The following BNC2 variants were observed in gnomAD, a reference collection of about 807,000 sequenced individuals.
BNC2 encodes zinc finger protein basonuclin-2.
In BNC2, 20 loss-of-function variants were observed where a neutral mutation model predicts 76.3. The ratio of observed to expected loss-of-function variants is 0.26; its 90% CI spans 0.18 to 0.38. The LOEUF is 0.38. BNC2 is among the 10% of genes least tolerant of loss of function. The pLI, the probability that BNC2 is intolerant of heterozygous loss-of-function variation, is 1.00. For missense variants in BNC2, 1,382 were observed against 1,399.8 expected (o/e 0.99, Z 0.20); for synonymous variants, 582 against 514.8 (o/e 1.13, Z -1.77).
intron 1 of BNC2, among the ~76,000 whole-genome samples, chr9:16,825,008 T>A (rs1184791524): frequency 6.6e-6 from 1 of 151,314 alleles, no homozygotes; most frequent in African/African-American, 2.4e-5. Context: ...CCCAGATGTG[T>A]TCCTTCAAAC....
chr9:16,695,752 T>C (rs946693278), intron 3 of BNC2, among the ~76,000 whole-genome samples: 1 of 152,096 alleles, frequency 6.6e-6, no homozygotes, highest in Non-Finnish European at 1.5e-5. Context: ...TACCTCTGTG[T>C]GAACAGGGCT....
At chr9:16,849,352 A>ATTTTTTTTTTTTTTTTTTTTTTTTTT (rs35561834) in intron 1 of BNC2, among the ~76,000 whole-genome samples, 2 of 90,084 alleles carry the variant, frequency 2.2e-5, no homozygotes, top group Non-Finnish European at 4.0e-5. Flanking sequence ...CATGCAAAAG[A>ATTTTTTTTTTTTTTTTTTTTTTTTTT]TTTTTTTTTT....
intron 3 of BNC2, among the ~76,000 whole-genome samples, chr9:16,659,649 G>A (rs1356543915): frequency 6.6e-6 from 1 of 151,140 alleles, no homozygotes; most frequent in Admixed American, 6.6e-5. Flanking sequence ...TTCTGCATCA[G>A]GGTCTTTGTC....
At chr9:16,621,170 G>A (rs1820856951) in intron 3 of BNC2, among the ~76,000 whole-genome samples, 1 of 152,128 alleles carries the variant, frequency 6.6e-6, no homozygotes. Context: ...GTGTTTTATG[G>A]CTATCTTGAG....
chr9:16,740,863 C>CT (rs1396466420), intron 1 of BNC2, among the ~76,000 whole-genome samples: 2 of 150,250 alleles, frequency 1.3e-5, no homozygotes, highest in Non-Finnish European at 2.9e-5. Flanking sequence ...AAAAGAAACC[C>CT]TTTTTTTCCC....
intron 1 of BNC2, among the ~76,000 whole-genome samples, chr9:16,847,401 C>CA (rs1819013132): frequency 9.7e-5 from 1 of 10,358 alleles, no homozygotes; most frequent in South Asian, 3.3e-3. Context: ...TTTCTCGGGG[C>CA]GGGGGGGGGG....
At chr9:16,744,972 T>C (rs914623053) in intron 1 of BNC2, among the ~76,000 whole-genome samples, 1 of 152,176 alleles carries the variant, frequency 6.6e-6, no homozygotes, top group African/African-American at 2.4e-5. Flanking sequence ...AAGAAACATA[T>C]CCAGGAAATC....
intron 3 of BNC2, among the ~76,000 whole-genome samples, chr9:16,677,455 CCCAGCTACTCGG>C (rs1822679304): frequency 6.6e-6 from 1 of 152,032 alleles, no homozygotes; most frequent in South Asian, 2.1e-4. Context: ...TGCCCGTAGT[CCCAGCTACTCGG>C]GAGGCTGAGG....
chr9:16,808,696 C>A, intron 1 of BNC2, among the ~76,000 whole-genome samples: 2 of 144,666 alleles, frequency 1.4e-5, no homozygotes, highest in South Asian at 2.2e-4. Context: ...GTTGCCCAAG[C>A]TTTTTTTTTT....
intron 3 of BNC2, among the ~76,000 whole-genome samples, chr9:16,590,828 G>A (rs1258216130): frequency 8.6e-5 from 13 of 151,980 alleles, no homozygotes; most frequent in African/African-American, 2.2e-4. Context: ...CACAAAAGAC[G>A]TCTATCCTAG....
chr9:16,495,638 G>A (rs1822372623), intron 5 of BNC2, among the ~76,000 whole-genome samples: 1 of 152,206 alleles, frequency 6.6e-6, no homozygotes, highest in South Asian at 2.1e-4. Flanking sequence ...ATGTGCTCTG[G>A]TTTGGGCTTT....
At chr9:16,554,150 C>G (rs1489565222) in intron 4 of BNC2, among the ~76,000 whole-genome samples, 1 of 152,188 alleles carries the variant, frequency 6.6e-6, no homozygotes, top group South Asian at 2.1e-4. Flanking sequence ...TTTCCTAACA[C>G]CTTATCCCTA....
intron 5 of BNC2, among the ~76,000 whole-genome samples, chr9:16,537,996 T>C (rs1056624536): frequency 2.6e-5 from 4 of 152,208 alleles, no homozygotes; most frequent in Non-Finnish European, 4.4e-5. Context: ...ATCTGGTGCC[T>C]TGAAAAACAT....
In BNC2 at chr9:16,419,092, T is replaced by C; in HGVS notation, c.3197A>G (p.Lys1066Arg). 1 of 1,614,198 alleles carries C rather than the reference T, an allele frequency of 6.2e-7. No individual in the cohort carries two copies. Among genetic ancestry groups the C allele is most frequent in the Admixed American group, 1.7e-5 (1 of 60,030 alleles). ...AAACATCATATTGCAACCTGGGACT[T>C]TGCACTTGTGCATTTCTCTCAAATG... Reference protein sequence around the residue: ...TVHLREMHKCKVPGCNMMFSS... With the variant: ...TVHLREMHKCRVPGCNMMFSS... Residue 1066 changes from lysine to arginine, a missense_variant, in exon 7 of 7, where the codon AAA becomes AGA. Lys to Arg is a conservative substitution (Grantham distance 26). Around this residue, in one of 3 missense-constraint regions of BNC2, gnomAD observed 798 missense variants for 775.5 expected, o/e 1.03. Coordinates refer to ENST00000380672, the MANE Select transcript of BNC2 (RefSeq NM_017637.6).
At chr9:16,776,370 G>C (rs1294555267) in intron 1 of BNC2, among the ~76,000 whole-genome samples, 1 of 152,080 alleles carries the variant, frequency 6.6e-6, no homozygotes, top group African/African-American at 2.4e-5. Flanking sequence ...GAACCTCTGA[G>C]CTCAGGCAAG....
intron 3 of BNC2, among the ~76,000 whole-genome samples, chr9:16,714,854 A>G (rs1762774974): frequency 6.6e-6 from 1 of 152,238 alleles, no homozygotes; most frequent in Non-Finnish European, 1.5e-5. Context: ...ATTTGCCTGG[A>G]GAATTTCAAT....
chr9:16,689,685 G>C (rs917951223), intron 3 of BNC2, among the ~76,000 whole-genome samples: 1 of 151,458 alleles, frequency 6.6e-6, no homozygotes, highest in African/African-American at 2.4e-5. Flanking sequence ...CAGAAATAAA[G>C]CCCCATCAGA....
intron 3 of BNC2, among the ~76,000 whole-genome samples, chr9:16,673,639 G>T (rs552171711): frequency 1.3e-5 from 2 of 152,098 alleles, no homozygotes; most frequent in Non-Finnish European, 2.9e-5. Flanking sequence ...AACCAGCCAG[G>T]TTTATACAGA....
intron 3 of BNC2, among the ~76,000 whole-genome samples, chr9:16,662,928 T>C (rs989563636): frequency 6.6e-6 from 1 of 152,170 alleles, no homozygotes; most frequent in African/African-American, 2.4e-5. Context: ...CTGCAGTAAG[T>C]GCCTTAAACA....
Sources: allele counts gnomAD v4.1 joint callset (sites outside exome capture counted in the v4.1 genomes callset), GRCh38; gene constraint gnomAD v4.1.1; regional missense constraint gnomAD v4.1.1; transcripts MANE v1.5; gene names NCBI Gene and HGNC (gene_info 2026-07-23, HGNC 2026-07-21).